IL17RA: variants seen among roughly 807,000 people sequenced by gnomAD.
IL17RA encodes the protein interleukin 17 receptor A.
Under a neutral mutation model 50.4 loss-of-function variants are expected in IL17RA, and 34 were observed. The observed-to-expected ratio is 0.67, with a 90% CI of 0.51 to 0.90. IL17RA has a LOEUF of 0.90. Among genes scored for constraint, IL17RA ranks in the 40% least tolerant of loss-of-function variants. IL17RA has a pLI of 0.00. For synonymous variants in IL17RA, 585 were observed against 510.4 expected, an observed-to-expected ratio of 1.15 and a Z score of -1.97; for missense variants, 1,276 against 1,169.8, an observed-to-expected ratio of 1.09 and a Z score of -1.32.
chr22:17,091,766 T>G (rs1314104573), intron 1 of IL17RA, among the ~76,000 whole-genome samples: 1 of 152,222 alleles, frequency 6.6e-6, no homozygotes, highest in African/African-American at 2.4e-5. Context: ...GATCTTCTTT[T>G]TATTCCTGAT....
rs201493343 is a variant in IL17RA at position 17,088,498 on chromosome 22, G to GT, written c.138+3276dup. 6.3e-3 allele frequency among the ~76,000 whole-genome samples: 942 copies of GT among 150,468 alleles called. 11 individuals carry two copies. Among genetic ancestry groups the GT allele is most frequent in the African/African-American group, 0.022 (896 of 41,000 alleles). On this transcript the variant is annotated intron_variant, in intron 1 of 12. Transcript: ENST00000319363. ...TACACCCAGCCGATTTTTGTTTTTT[G>GT]TTTTTTTGACACAGAAAGACACTGT...
At chr22:17,103,434 C>G (rs1200181040) in intron 7 of IL17RA, 60 bp from the exon 8 acceptor site, 5 of 1,406,708 alleles carry the variant, frequency 3.6e-6, no homozygotes, top group South Asian at 1.2e-5. Flanking sequence ...ACAGCGTGTT[C>G]TTACCCAACT....
Position 17,085,071 on chromosome 22 carries a change from C to T in IL17RA, c.-21C>T. 1 of 1,298,606 alleles carries T rather than the reference C, an allele frequency of 7.7e-7. No individual in the cohort carries two copies. The highest frequency in any genetic ancestry group is 2.2e-5 in the South Asian group (1 of 44,990). The allele number at this position is 1,298,606 out of a possible 1,614,324, so 80.4% of individuals were successfully genotyped here. A position where few individuals can be genotyped will look rare whatever the true frequency, so the allele number is the denominator to read the frequency against. ...CTGCGTCCCCAGCCGGGGCCGAGCC[C>T]TCCGCGACGCCAGCCGGGCCATGGG... On this transcript the variant is annotated 5_prime_UTR_variant, in exon 1 of 13. Transcript: ENST00000319363.
rs570981069 is a variant in IL17RA at position 17,113,957 on chromosome 22, C to T, written c.*4137C>T. 1.3e-5 allele frequency: 2 copies of T among 152,260 alleles called. No individual in the cohort carries two copies. Among genetic ancestry groups the T allele is most frequent in the Admixed American group, 1.3e-4 (2 of 15,310 alleles). 9.4% of individuals were successfully genotyped at this position (152,260 alleles called of 1,614,324 possible). A position where few individuals can be genotyped will look rare whatever the true frequency, so the allele number is the denominator to read the frequency against. On this transcript the variant is annotated 3_prime_UTR_variant, in exon 13 of 13. Coordinates refer to ENST00000319363, the MANE Select transcript of IL17RA (RefSeq NM_014339.7). ...AGAGCAGTTTGTGCCCCCTGAGGTA[C>T]CACTGATCCTCTTTCCCTGCTATTA...
intron 4 of IL17RA, among the ~76,000 whole-genome samples, chr22:17,100,094 A>C (rs1674533769): frequency 6.8e-6 from 1 of 147,148 alleles, no homozygotes. Flanking sequence ...CTTTCCCCAA[A>C]TTCTTTTGCC....
rs766078688 is a variant in IL17RA at position 17,108,729 on chromosome 22, T to G, written c.1510T>G (p.Phe504Val). The G allele has an allele frequency of 1.1e-5, 17 of 1,611,730 alleles. No individual in the cohort carries two copies. Among genetic ancestry groups the G allele is most frequent in the Non-Finnish European group, 1.4e-5 (17 of 1,179,814 alleles). Residue 504 changes from phenylalanine to valine, a missense_variant, in exon 13 of 13, where the codon TTC becomes GTC. Physicochemically the swap from Phe to Val is conservative, Grantham distance 50 (BLOSUM62 -1). Transcript: ENST00000319363. ...CTTCGGCACCTACGTAGTCTGCTACTTCAGCGAGGTCAGCTGTGACGGCGA... is the reference window on the plus strand; with the variant it reads ...CTTCGGCACCTACGTAGTCTGCTACGTCAGCGAGGTCAGCTGTGACGGCGA... Reference protein sequence around the residue: ...ACFGTYVVCYFSEVSCDGDVP... With the variant: ...ACFGTYVVCYVSEVSCDGDVP...
At chr22:17,096,736 G>A (rs1169784336) in intron 1 of IL17RA, among the ~76,000 whole-genome samples, 1 of 152,076 alleles carries the variant, frequency 6.6e-6, no homozygotes, top group Non-Finnish European at 1.5e-5. Context: ...CGGGCGTGGT[G>A]GCGGGCGCCT....
Position 17,109,267 on chromosome 22 carries a change from C to G in IL17RA, c.2048C>G (p.Pro683Arg). 6.6e-7 allele frequency: 1 copy of G among 1,506,152 alleles called. No homozygotes were observed. Among genetic ancestry groups the G allele is most frequent in the Non-Finnish European group, 8.8e-7 (1 of 1,132,690 alleles). The allele number at this position is 1,506,152 out of a possible 1,614,324, so 93.3% of individuals were successfully genotyped here. Residue 683 changes from proline (P) to arginine (R), a missense_variant, in exon 13 of 13, where the codon CCT (proline) becomes CGT (arginine). Pro to Arg is a moderately radical substitution (Grantham distance 103). Transcript: ENST00000319363. ...GGGGCCCTGGTGGCCGCGGTGGAGCCTGGGCCCCTGGCTGACGGTGCCGCA... is the reference window on the plus strand; with the variant it reads ...GGGGCCCTGGTGGCCGCGGTGGAGCGTGGGCCCCTGGCTGACGGTGCCGCA... ...EEGALVAAVE[P>R]GPLADGAAVR...
At chr22:17,103,068 G>A (rs1316480643) in intron 7 of IL17RA, among the ~76,000 whole-genome samples, 1 of 152,184 alleles carries the variant, frequency 6.6e-6, no homozygotes, top group Non-Finnish European at 1.5e-5. Context: ...CTTGAACCTG[G>A]GAGGCAGAGG....
Position 17,102,281 on chromosome 22 carries a change from G to A in IL17RA, c.741G>A (p.Glu247=). Residue 247 remains glutamate (E), a synonymous_variant, in exon 7 of 13, where the codon GAG becomes GAA. Coordinates refer to ENST00000319363, the MANE Select transcript of IL17RA (RefSeq NM_014339.7). ...ACATGGAGAACCACAGTTGCTTTGA[G>A]CACATGCACCACATACCTGCGGTAA... The part of the protein sequence containing the change: ...FPHMENHSCF[E]HMHHIPAPRP... The A allele has an allele frequency of 1.9e-6, 3 of 1,614,160 alleles. No homozygotes were observed. The highest frequency in any genetic ancestry group is 2.5e-6 in the Non-Finnish European group (3 of 1,180,042).
rs2061439374 is a variant in IL17RA at position 17,110,840 on chromosome 22, AAGT to A, written c.*1023_*1025del. The A allele has an allele frequency of 6.6e-6, 1 of 152,486 alleles. No individual in the cohort carries two copies. The highest frequency in any genetic ancestry group is 2.4e-5 in the African/African-American group (1 of 41,444). The allele number at this position is 152,486 out of a possible 1,614,324, so 9.4% of individuals were successfully genotyped here. ...AGACCCTGTCTCAAAAAAAATAAAA[AAGT>A]AGAAAGATGGAGTGGAAGCCTGCCC... is the stretch of plus-strand genomic sequence containing the variant. On this transcript the variant is annotated 3_prime_UTR_variant, in exon 13 of 13. Coordinates refer to ENST00000319363, the MANE Select transcript of IL17RA (RefSeq NM_014339.7).
At chr22:17,104,535 C>G (rs2061405766) in intron 8 of IL17RA, among the ~76,000 whole-genome samples, 191 bp from the exon 9 acceptor site, 1 of 152,108 alleles carries the variant, frequency 6.6e-6, no homozygotes, top group Admixed American at 6.5e-5. Flanking sequence ...CCCTGCCTTT[C>G]TCCTGTCTGG....
intron 5 of IL17RA, 117 bp downstream of exon 5, chr22:17,100,598 C>G: frequency 2.3e-6 from 3 of 1,318,102 alleles, no homozygotes; most frequent in Non-Finnish European, 3.2e-6. Flanking sequence ...TTGCCAGCAC[C>G]TGGGACCCAC....
chr22:17,108,901 G>T lies in IL17RA; in HGVS notation c.1682G>T (p.Ser561Ile). ...CTGTCGGGGGACAACTACCTGCGGA[G>T]CCCGGGCGGCAGGCAGCTCCGCGCC... ...GELSGDNYLR[S>I]PGGRQLRAAL... Residue 561 changes from serine to isoleucine, a missense_variant, in exon 13 of 13, where the codon AGC becomes ATC. Ser to Ile is a moderately radical substitution (Grantham distance 142, BLOSUM62 -2). Coordinates refer to ENST00000319363, the MANE Select transcript of IL17RA (RefSeq NM_014339.7). The T allele has an allele frequency of 1.9e-6, 3 of 1,611,416 alleles. No individual in the cohort carries two copies. Among genetic ancestry groups the T allele is most frequent in the African/African-American group, 1.3e-5 (1 of 75,046 alleles).
In IL17RA at chr22:17,109,978, T is replaced by C. The variant is rs1365052347; in HGVS notation, c.*158T>C. The C allele has an allele frequency of 1.3e-6, 1 of 771,466 alleles. No homozygotes were observed. Among genetic ancestry groups the C allele is most frequent in the Admixed American group, 2.7e-5 (1 of 36,382 alleles). The allele number at this position is 771,466 out of a possible 1,614,324, so 47.8% of individuals were successfully genotyped here. ...GGATTTTAATCCCAGGCATCCCTCC[T>C]AACTTTTCTTTGTGCAGCGGTCTGG... On this transcript the variant is annotated 3_prime_UTR_variant, in exon 13 of 13. Transcript: ENST00000319363.
intron 1 of IL17RA, among the ~76,000 whole-genome samples, chr22:17,092,862 C>T (rs1164825556): frequency 5.9e-5 from 9 of 151,844 alleles, no homozygotes; most frequent in Admixed American, 5.9e-4. Flanking sequence ...TCTATTTGTG[C>T]TTTCAGAGAA....
chr22:17,097,343 A>G (rs574651990), intron 2 of IL17RA: 5 of 562,408 alleles, frequency 8.9e-6, no homozygotes, highest in African/African-American at 7.5e-5. Flanking sequence ...GAGCTGCCCT[A>G]CTGTATCTAT....
intron 1 of IL17RA, among the ~76,000 whole-genome samples, chr22:17,089,967 A>G (rs2061342282): frequency 7.0e-6 from 1 of 142,292 alleles, no homozygotes; most frequent in Admixed American, 7.2e-5. Context: ...GTAATATCCT[A>G]AGAAGATCCC....
intron 8 of IL17RA, 124 bp downstream of exon 8, chr22:17,103,701 GGA>G (rs750260545): frequency 1.8e-4 from 144 of 790,374 alleles, no homozygotes; most frequent in Non-Finnish European, 2.7e-4. Flanking sequence ...GTGCACAGGT[GGA>G]GAGAGTGGTG....
Sources: gnomAD v4.1 joint callset for allele counts (sites outside exome capture counted in the v4.1 genomes callset) on GRCh38, gnomAD v4.1.1 for gene constraint, MANE v1.5 for transcripts, NCBI Gene and HGNC (gene_info 2026-07-23, HGNC 2026-07-21) for gene names.